The following DNM3 variants were observed in gnomAD, a reference collection of about 807,000 sequenced individuals.
DNM3 encodes the protein dynamin-3.
Under a neutral mutation model 101.6 loss-of-function variants are expected in DNM3, and 47 were observed. That is an observed-to-expected ratio of 0.46 (90% CI 0.37 to 0.59). The LOEUF (loss-of-function observed/expected upper bound fraction) is 0.59. Among genes scored for constraint, DNM3 ranks in the 20% least tolerant of loss-of-function variants. The probability of loss-of-function intolerance (pLI) is 0.00; values close to 1 mark genes in which losing one functional copy is unlikely to be tolerated. For missense variants in DNM3, 849 were observed against 1,085.7 expected, an observed-to-expected ratio of 0.78 and a Z score of 3.06; for synonymous variants, 385 against 387.9, an observed-to-expected ratio of 0.99 and a Z score of 0.09.
intron 16 of DNM3, among the ~76,000 whole-genome samples, chr1:172,321,385 C>T (rs923858458): frequency 3.3e-5 from 5 of 152,148 alleles, no homozygotes; most frequent in Admixed American, 6.6e-5. Context: ...CTTAGAAGAG[C>T]TACATGGCCA....
intron 17 of DNM3, among the ~76,000 whole-genome samples, chr1:172,365,687 G>A (rs995427025): frequency 5.9e-5 from 9 of 151,860 alleles, no homozygotes; most frequent in African/African-American, 2.2e-4. Context: ...CTCAAGGTGA[G>A]AAAACAATAC....
At chr1:172,125,493 A>C (rs1047006967) in intron 13 of DNM3, among the ~76,000 whole-genome samples, 1 of 152,222 alleles carries the variant, frequency 6.6e-6, no homozygotes, top group Non-Finnish European at 1.5e-5. Context: ...GGAAACTAAC[A>C]GAACACATAT....
chr1:171,997,377 G>T (rs1298755619), intron 4 of DNM3, among the ~76,000 whole-genome samples: 1 of 152,114 alleles, frequency 6.6e-6, no homozygotes, highest in Non-Finnish European at 1.5e-5. Context: ...GTAGGTTGGG[G>T]CTGGGGTGGG....
intron 2 of DNM3, among the ~76,000 whole-genome samples, chr1:171,956,647 A>G (rs914660901): frequency 1.3e-5 from 2 of 152,140 alleles, no homozygotes; most frequent in Non-Finnish European, 2.9e-5. Flanking sequence ...CAGCTTCACT[A>G]GGCAGTGCCC....
intron 10 of DNM3, among the ~76,000 whole-genome samples, chr1:172,067,682 C>G (rs574551290): frequency 1.3e-5 from 2 of 152,286 alleles, no homozygotes; most frequent in African/African-American, 4.8e-5. Context: ...GCATCCCATT[C>G]TCTTTCTTCC....
intron 14 of DNM3, chr1:172,132,832 A>G (rs1372304714): frequency 1.4e-6 from 1 of 737,906 alleles, no homozygotes; most frequent in Non-Finnish European, 2.4e-6. Context: ...AACTAAAAAT[A>G]AAACAAAACC....
chr1:171,950,905 A>C (rs2042478868), intron 2 of DNM3, among the ~76,000 whole-genome samples: 1 of 152,088 alleles, frequency 6.6e-6, no homozygotes, highest in African/African-American at 2.4e-5. Context: ...TTTGTGGCTT[A>C]ATCATATGCA....
intron 15 of DNM3, among the ~76,000 whole-genome samples, chr1:172,268,903 T>A (rs1251681689): frequency 1.3e-5 from 2 of 152,134 alleles, no homozygotes; most frequent in African/African-American, 4.8e-5. Flanking sequence ...ATTAAAAGAT[T>A]TTGGAGGAAT....
rs527985799 is a variant in DNM3, at chr1:172,042,290, G to A, written c.1128+146G>A. ...CATATTCAGGTAATGAAATTCAGGAGAGGAATATGTTCTTACTGATGATTC... is the reference window on the plus strand; with the variant it reads ...CATATTCAGGTAATGAAATTCAGGAAAGGAATATGTTCTTACTGATGATTC... On this transcript the variant is annotated intron_variant, in intron 8 of 20. Coordinates refer to ENST00000627582, the MANE Select transcript of DNM3 (RefSeq NM_015569.5). 1,043 of 748,722 alleles carry A rather than the reference G, an allele frequency of 1.4e-3. 4 individuals carry two copies. In the Middle Eastern group the frequency reaches 0.02, roughly 14 times the overall value. The allele number at this position is 748,722 out of a possible 1,614,324, so 46.4% of individuals were successfully genotyped here. A position where few individuals can be genotyped will look rare whatever the true frequency, so the allele number is the denominator to read the frequency against.
chr1:172,246,803 C>G (rs1306757679), intron 14 of DNM3, among the ~76,000 whole-genome samples: 1 of 151,972 alleles, frequency 6.6e-6, no homozygotes, highest in Non-Finnish European at 1.5e-5. Flanking sequence ...GCATGAAGGG[C>G]TTGGATTAAT....
At chr1:172,252,243 G>A (rs1417634052) in intron 14 of DNM3, among the ~76,000 whole-genome samples, 1 of 151,988 alleles carries the variant, frequency 6.6e-6, no homozygotes, top group African/African-American at 2.4e-5. Flanking sequence ...TATTTTTGTA[G>A]CCAAGTAGAA....
intron 14 of DNM3, among the ~76,000 whole-genome samples, chr1:172,187,850 TCTC>T (rs1399077699): frequency 6.6e-6 from 1 of 152,102 alleles, no homozygotes; most frequent in Non-Finnish European, 1.5e-5. Context: ...GCTCTTCACT[TCTC>T]CTGTTTCCTT....
downstream of DNM3, chr1:172,415,185 T>C (rs2071385256): frequency 6.6e-6 from 1 of 152,236 alleles, no homozygotes; most frequent in African/African-American, 2.4e-5. Flanking sequence ...TATCTGACTC[T>C]TAAGGAGGAA....
chr1:172,341,746 A>G (rs911676780), intron 17 of DNM3, among the ~76,000 whole-genome samples: 2 of 151,606 alleles, frequency 1.3e-5, no homozygotes, highest in African/African-American at 2.4e-5. Flanking sequence ...TGGATTAAAG[A>G]CCTAAATGTA....
At chr1:172,052,818 G>A (rs2050301716) in intron 10 of DNM3, among the ~76,000 whole-genome samples, 1 of 152,066 alleles carries the variant, frequency 6.6e-6, no homozygotes, top group African/African-American at 2.4e-5. Flanking sequence ...GACAGATCAT[G>A]TCTGTAATAG....
chr1:172,383,261 G>A (rs974650339), intron 18 of DNM3, among the ~76,000 whole-genome samples: 1 of 152,068 alleles, frequency 6.6e-6, no homozygotes. Flanking sequence ...TTGCACTTGG[G>A]AATCATATAC....
intron 14 of DNM3, among the ~76,000 whole-genome samples, chr1:172,237,904 G>A (rs979547228): frequency 9.2e-5 from 14 of 152,160 alleles, no homozygotes; most frequent in African/African-American, 2.9e-4. Flanking sequence ...GGAGACTGGC[G>A]TTCTCAGGCT....
chr1:171,986,695 A>G (rs2045284258), intron 2 of DNM3, among the ~76,000 whole-genome samples: 1 of 150,458 alleles, frequency 6.6e-6, no homozygotes, highest in South Asian at 2.1e-4. Flanking sequence ...CAGTGGCATG[A>G]TCACAGCTCA....
At chr1:172,084,247 T>C (rs1304950885) in intron 12 of DNM3, among the ~76,000 whole-genome samples, 1 of 152,146 alleles carries the variant, frequency 6.6e-6, no homozygotes, top group Non-Finnish European at 1.5e-5. Flanking sequence ...GTGGAAATCC[T>C]TTAAAAAAAA....
Sources: gnomAD v4.1 joint callset for allele counts (sites outside exome capture counted in the v4.1 genomes callset) on GRCh38, gnomAD v4.1.1 for gene constraint, MANE v1.5 for transcripts, NCBI Gene and HGNC (gene_info 2026-07-23, HGNC 2026-07-21) for gene names.